The following NECAB3 variants were observed in gnomAD, a reference collection of about 807,000 sequenced individuals.
NECAB3 encodes the protein N-terminal EF-hand calcium binding protein 3.
In NECAB3, 38 loss-of-function variants were observed where a neutral mutation model predicts 57.2. The observed-to-expected ratio is 0.66, with a 90% CI of 0.51 to 0.87. The LOEUF is 0.87. NECAB3 is among the 40% of genes least tolerant of loss of function. The probability of loss-of-function intolerance (pLI) is 0.00; values close to 1 mark genes in which losing one functional copy is unlikely to be tolerated. For synonymous variants in NECAB3, 223 were observed against 222.6 expected (o/e 1.00, Z -0.02); for missense variants, 474 against 527.5 (o/e 0.90, Z 0.99).
intron 5 of NECAB3, among the ~76,000 whole-genome samples, chr20:33,665,825 G>A (rs1298349357): frequency 1.3e-5 from 2 of 152,196 alleles, no homozygotes; most frequent in African/African-American, 4.8e-5. Flanking sequence ...GCTCACACCT[G>A]TAATCCTAGC....
At chr20:33,663,980 C>A in intron 5 of NECAB3, 1 of 945,548 alleles carries the variant, frequency 1.1e-6, no homozygotes, top group Non-Finnish European at 1.5e-6. Context: ...AGCCTAGGAG[C>A]CGCAGAGGGG....
chr20:33,669,349 C>G, intron 5 of NECAB3, 26 bp downstream of exon 5: 2 of 1,607,448 alleles, frequency 1.2e-6, no homozygotes, highest in Non-Finnish European at 1.7e-6. Flanking sequence ...CACAGTGGAT[C>G]CCCCACCATC....
In NECAB3 at chr20:33,657,977, CG is replaced by C; in HGVS notation, c.1126del (p.Arg376GlyfsTer17). 6.4e-7 allele frequency: 1 copy of C among 1,557,032 alleles called. No homozygotes were observed. The highest frequency in any genetic ancestry group is 8.7e-7 in the Non-Finnish European group (1 of 1,150,190). On this transcript the variant is annotated frameshift_variant, in exon 11 of 12. Coordinates refer to ENST00000246190, the MANE Select transcript of NECAB3 (RefSeq NM_031232.4). LOFTEE classifies it high-confidence loss of function. ...CACAGTGGTGAGGGTGTCCGGGGCC[CG>C]CAGGTGGTCGATGAGGATGCGCTGG... The part of the protein sequence containing the change: ...AFQRILIDHL[R>X]APDTLTTVFF...
In NECAB3 at chr20:33,670,480, TG is replaced by T. The variant is rs2017806397; in HGVS notation, c.263+203del. ...GGTGGTGACTCAGACTTGGCTATTTTGGGGTCCCAGCTGGAAGCAGTGTAGT... is the reference window on the plus strand; with the variant it reads ...GGTGGTGACTCAGACTTGGCTATTTTGGGTCCCAGCTGGAAGCAGTGTAGT... On this transcript the variant is annotated intron_variant, in intron 3 of 11. Transcript: ENST00000246190. The T allele has an allele frequency of 6.5e-6, 3 of 458,116 alleles. No individual in the cohort carries two copies. In the Admixed American group the frequency reaches 1.2e-4, roughly 18 times the overall value. The allele number at this position is 458,116 out of a possible 1,614,324, so 28.4% of individuals were successfully genotyped here. A position where few individuals can be genotyped will look rare whatever the true frequency, so the allele number is the denominator to read the frequency against.
intron 5 of NECAB3, chr20:33,667,813 T>A: frequency 6.2e-7 from 1 of 1,612,294 alleles, no homozygotes; most frequent in Non-Finnish European, 8.5e-7. Context: ...TCCGGCCAGT[T>A]TCAGCGTGGG....
At chr20:33,659,443 C>A in intron 8 of NECAB3, 54 bp downstream of exon 8, 1 of 1,402,658 alleles carries the variant, frequency 7.1e-7, no homozygotes. Flanking sequence ...ATCCCCAATT[C>A]ATGAGCACCC....
rs752216869 is a variant in NECAB3 at position 33,660,171 on chromosome 20, C to G, written c.524+88G>C. ...GCTTCCCCGCCCGAAAATGCAGGCT[C>G]CAGGATGCTGGGACTGTGGGGATTT... On this transcript the variant is annotated intron_variant, in intron 6 of 11. Coordinates refer to ENST00000246190, the MANE Select transcript of NECAB3 (RefSeq NM_031232.4). This position sits in a 1 kb window ranked among gnomAD's most constrained non-coding sequence, Gnocchi z 4.1. 2.6e-6 allele frequency: 4 copies of G among 1,559,852 alleles called. No individual in the cohort carries two copies. Among genetic ancestry groups the G allele is most frequent in the Admixed American group, 3.6e-5 (2 of 55,792 alleles).
At chr20:33,672,552 C>T (rs529486133) in intron 1 of NECAB3, 130 bp from the exon 2 acceptor site, 6 of 1,025,802 alleles carry the variant, frequency 5.8e-6, no homozygotes, top group Admixed American at 5.7e-5. Flanking sequence ...CCAGCCTGGT[C>T]CCAAACCACC....
intron 5 of NECAB3, chr20:33,662,683 T>C: frequency 1.8e-6 from 1 of 569,062 alleles, no homozygotes; most frequent in Non-Finnish European, 3.1e-6. Context: ...CTCACGCCTG[T>C]AATCCCAACA....
chr20:33,658,090 GC>G, intron 10 of NECAB3, 57 bp from the exon 11 acceptor site: 2 of 1,453,716 alleles, frequency 1.4e-6, no homozygotes, highest in Non-Finnish European at 1.9e-6. Context: ...CCATCCTGCT[GC>G]CAGGATCAGA....
chr20:33,667,552 G>A (rs767296310), intron 5 of NECAB3: 2 of 1,552,328 alleles, frequency 1.3e-6, no homozygotes, highest in South Asian at 1.2e-5. Context: ...CAGCGGGCTG[G>A]CCGTGGAGGC....
chr20:33,672,634 C>T (rs1209802241), intron 1 of NECAB3, among the ~76,000 whole-genome samples: 1 of 152,232 alleles, frequency 6.6e-6, no homozygotes, highest in Non-Finnish European at 1.5e-5. Flanking sequence ...GGTGCCACCT[C>T]TGCTCACTTC....
intron 5 of NECAB3, chr20:33,663,815 C>A (rs1192380733): frequency 7.1e-7 from 1 of 1,415,364 alleles, no homozygotes; most frequent in South Asian, 1.5e-5. Context: ...GAAGCCGGCC[C>A]CGCCGAGGAG....
chr20:33,669,504 G>A, intron 4 of NECAB3, 32 bp from the exon 5 acceptor site: 1 of 1,610,904 alleles, frequency 6.2e-7, no homozygotes. Context: ...AAGGGTTCCT[G>A]GACCCCCACC....
chr20:33,674,204 C>T lies in NECAB3; in HGVS notation c.129+20G>A. ...GACTCGGGTAGGGAGACACCGCGAGCAGAGCCCGCGCCCACTCACGTCCTG... is the reference window on the plus strand; with the variant it reads ...GACTCGGGTAGGGAGACACCGCGAGTAGAGCCCGCGCCCACTCACGTCCTG... On this transcript the variant is annotated intron_variant, in intron 1 of 11. Transcript: ENST00000246190. 3 of 1,257,428 alleles carry T rather than the reference C, an allele frequency of 2.4e-6. No individual in the cohort carries two copies. The highest frequency in any genetic ancestry group is 3.0e-6 in the Non-Finnish European group (3 of 1,001,184). The allele number at this position is 1,257,428 out of a possible 1,614,324, so 77.9% of individuals were successfully genotyped here. A position where few individuals can be genotyped will look rare whatever the true frequency, so the allele number is the denominator to read the frequency against.
intron 5 of NECAB3, chr20:33,667,736 T>C (rs962825755): frequency 7.4e-6 from 12 of 1,612,178 alleles, no homozygotes; most frequent in Non-Finnish European, 9.3e-6. Context: ...ATCACACATC[T>C]CAAGAAGCGC....
Position 33,669,700 on chromosome 20 carries a change from T to C in NECAB3, c.276A>G (p.Thr92=). 6.3e-7 allele frequency: 1 copy of C among 1,596,218 alleles called. No homozygotes were observed. Among genetic ancestry groups the C allele is most frequent in the Non-Finnish European group, 8.5e-7 (1 of 1,171,130 alleles). The part of the protein sequence containing the change: ...IDGHLTDNLE[T]EKLCDYFSEH... ...GGGCCTACTCACCACACAGTTTTTCTGTTTCTAAATTGCTGCAGGGAAAAG... is the reference window on the plus strand; with the variant it reads ...GGGCCTACTCACCACACAGTTTTTCCGTTTCTAAATTGCTGCAGGGAAAAG... Residue 92 remains threonine (T), a synonymous_variant, in exon 4 of 12, where the codon ACA becomes ACG. Transcript: ENST00000246190.
Position 33,659,985 on chromosome 20 carries a change from C to G in NECAB3, c.543G>C (p.Val181=). 6.4e-7 allele frequency: 1 copy of G among 1,571,554 alleles called. No homozygotes were observed. Among genetic ancestry groups the G allele is most frequent in the Non-Finnish European group, 8.6e-7 (1 of 1,161,240 alleles). ...TGCCGCAGAGCCTGCTCTGCGCCTCCACGCTCTCTGCATCTGACCTAGAGG... is the reference window on the plus strand; with the variant it reads ...TGCCGCAGAGCCTGCTCTGCGCCTCGACGCTCTCTGCATCTGACCTAGAGG... ...AHGWRSDAES[V]EAQSRLCGSR... is the part of the protein sequence containing the mutation. Residue 181 remains valine (V), a synonymous_variant, in exon 7 of 12, where the codon GTG becomes GTC. Coordinates refer to ENST00000246190, the MANE Select transcript of NECAB3 (RefSeq NM_031232.4).
At chr20:33,658,193 G>A (rs868199427) in intron 10 of NECAB3, among the ~76,000 whole-genome samples, 160 bp from the exon 11 acceptor site, 17 of 152,168 alleles carry the variant, frequency 1.1e-4, no homozygotes, top group Admixed American at 5.2e-4. Context: ...CACTGCACAC[G>A]GTGCTTGGCA....
Sources: allele counts gnomAD v4.1 joint callset (sites outside exome capture counted in the v4.1 genomes callset), GRCh38; gene constraint gnomAD v4.1.1; non-coding constraint Gnocchi (gnomAD v3.1); transcripts MANE v1.5; gene names NCBI Gene and HGNC (gene_info 2026-07-23, HGNC 2026-07-21).